Variants in CEP290 observed in about 807,000 individuals in gnomAD.
CEP290 encodes centrosomal protein of 290 kDa.
Under a neutral mutation model 344.9 loss-of-function variants are expected in CEP290, and 317 were observed. The ratio of observed to expected loss-of-function variants is 0.92; its 90% CI spans 0.84 to 1.01. The LOEUF is 1.01. Ranked by LOEUF, CEP290 falls within the 50% of genes least tolerant of loss-of-function variation. CEP290 has a pLI of 0.00. For synonymous variants in CEP290, 932 were observed against 895.8 expected (o/e 1.04, Z -0.72); for missense variants, 2,754 against 2,761.4 (o/e 1.00, Z 0.06).
chr12:88,086,525 C>T (rs1565840177), intron 32 of CEP290, 27 bp from the exon 33 acceptor site: 1 of 1,513,104 alleles, frequency 6.6e-7, no homozygotes, highest in Non-Finnish European at 9.0e-7. Flanking sequence ...TTGTGTCAGA[C>T]ACATACACGA....
chr12:88,110,961 T>C (rs561651483), intron 22 of CEP290, among the ~76,000 whole-genome samples: 2 of 152,270 alleles, frequency 1.3e-5, no homozygotes, highest in Non-Finnish European at 2.9e-5. Flanking sequence ...ATGGTATAAA[T>C]TGCTTTTATT....
intron 29 of CEP290, 22 bp from the exon 30 acceptor site, chr12:88,090,861 CAG>C: frequency 7.0e-7 from 1 of 1,436,674 alleles, no homozygotes; most frequent in South Asian, 1.3e-5. Flanking sequence ...TAAGGTATTT[CAG>C]GAACAATTAA....
chr12:88,106,270 T>A (rs113917888), intron 25 of CEP290, among the ~76,000 whole-genome samples: 1 of 152,136 alleles, frequency 6.6e-6, no homozygotes, highest in East Asian at 1.9e-4. Flanking sequence ...GTTAGATACA[T>A]CTTCAAACAT....
At chr12:88,137,726 G>A (rs2040422042) in intron 5 of CEP290, among the ~76,000 whole-genome samples, 1 of 152,134 alleles carries the variant, frequency 6.6e-6, no homozygotes, top group African/African-American at 2.4e-5. Flanking sequence ...TAATGCCCTT[G>A]GAACTCTTTC....
intron 28 of CEP290, among the ~76,000 whole-genome samples, chr12:88,093,172 T>C (rs2037174875): frequency 6.6e-6 from 1 of 152,100 alleles, no homozygotes; most frequent in Admixed American, 6.5e-5. Context: ...TAAATCCAAA[T>C]GAGTTAATAA....
intron 29 of CEP290, among the ~76,000 whole-genome samples, chr12:88,091,982 G>A (rs1235241799): frequency 1.3e-5 from 2 of 151,858 alleles, no homozygotes; most frequent in East Asian, 1.9e-4. Context: ...GCGCGATCTC[G>A]GCTCACTGCA....
At chr12:88,122,815 C>A (rs2039490507) in intron 13 of CEP290, among the ~76,000 whole-genome samples, 1 of 152,072 alleles carries the variant, frequency 6.6e-6, no homozygotes, top group South Asian at 2.1e-4. Flanking sequence ...ATATCGTGGG[C>A]TCTTGAAGTT....
chr12:88,075,244 T>G (rs779278314), intron 41 of CEP290, among the ~76,000 whole-genome samples: 6 of 149,666 alleles, frequency 4.0e-5, no homozygotes, highest in Non-Finnish European at 5.9e-5. Flanking sequence ...TTGTTATGGT[T>G]TGAGGGCAAG....
At chr12:88,131,619 T>A (rs2040078406) in intron 6 of CEP290, among the ~76,000 whole-genome samples, 1 of 152,062 alleles carries the variant, frequency 6.6e-6, no homozygotes, top group South Asian at 2.1e-4. Flanking sequence ...AAATTTTAAA[T>A]CCTCTCTAAC....
At chr12:88,140,856 A>G in intron 3 of CEP290, 100 bp downstream of exon 3, 1 of 701,104 alleles carries the variant, frequency 1.4e-6, no homozygotes, top group Non-Finnish European at 2.4e-6. Flanking sequence ...GGTGATGTAG[A>G]TATTACCAGG....
intron 13 of CEP290, among the ~76,000 whole-genome samples, chr12:88,123,544 C>T (rs964425106): frequency 5.9e-5 from 9 of 152,080 alleles, no homozygotes; most frequent in African/African-American, 1.9e-4. Context: ...GCTCTCCATA[C>T]TCCTGCTTTT....
chr12:88,135,457 T>C (rs1240061373), intron 6 of CEP290, among the ~76,000 whole-genome samples: 4 of 152,184 alleles, frequency 2.6e-5, no homozygotes, highest in African/African-American at 9.6e-5. Flanking sequence ...GTGTATATTA[T>C]AAGTTAGATC....
chr12:88,139,927 A>C (rs984270926), intron 3 of CEP290, among the ~76,000 whole-genome samples: 22 of 152,112 alleles, frequency 1.4e-4, no homozygotes, highest in African/African-American at 4.8e-4. Context: ...CATGCTCGGC[A>C]AATTTTTTCG....
Position 88,116,961 on chromosome 12 carries a change from G to A in CEP290, c.1824+72C>T, listed in dbSNP as rs565542317. ...TGCACTCCAGCCTGGGAGACAGAGC[G>A]AGACTCCGTCTCAAAAAAAAAAAAA... On this transcript the variant is annotated intron_variant, in intron 18 of 53. Transcript: ENST00000552810. 1,073 of 752,628 alleles carry A rather than the reference G, an allele frequency of 1.4e-3. 12 individuals are homozygous for A. In the African/African-American group the frequency reaches 0.018, roughly 13 times the overall value. The allele number at this position is 752,628 out of a possible 1,614,324, so 46.6% of individuals were successfully genotyped here. A position where few individuals can be genotyped will look rare whatever the true frequency, so the allele number is the denominator to read the frequency against.
chr12:88,137,780 T>G (rs1451309536), intron 5 of CEP290, among the ~76,000 whole-genome samples: 1 of 152,152 alleles, frequency 6.6e-6, no homozygotes, highest in African/African-American at 2.4e-5. Context: ...TACATGAGGG[T>G]CAGAAGAAGG....
rs1171566979 is a variant in CEP290, at chr12:88,134,453, T to A, written c.441+2190A>T. Among the ~76,000 whole-genome samples, 4 of 152,334 alleles carry A rather than the reference T, an allele frequency of 2.6e-5. No homozygotes were observed. The East Asian group carries it at 7.7e-4, about 29-fold the overall frequency. ...GTAAACTTTTAAAGTATAGATCTGATCATGATATCCTGTGCTCAAAACTCT... is the reference window on the plus strand; with the variant it reads ...GTAAACTTTTAAAGTATAGATCTGAACATGATATCCTGTGCTCAAAACTCT... On this transcript the variant is annotated intron_variant, in intron 6 of 53. Coordinates refer to ENST00000552810, the MANE Select transcript of CEP290 (RefSeq NM_025114.4).
At chr12:88,115,811 A>T (rs2039004824) in intron 18 of CEP290, 1 of 984,400 alleles carries the variant, frequency 1.0e-6, no homozygotes, top group Admixed American at 6.1e-5. Flanking sequence ...GTTCTATAAG[A>T]TTTTCAAGAG....
chr12:88,076,399 A>G (rs1035921305), intron 41 of CEP290, among the ~76,000 whole-genome samples: 40 of 152,138 alleles, frequency 2.6e-4, no homozygotes, highest in Admixed American at 1.4e-3. Flanking sequence ...GATTGAAATT[A>G]TTTTATAGAC....
chr12:88,121,693 A>G (rs1471999907), intron 13 of CEP290, among the ~76,000 whole-genome samples: 9 of 152,064 alleles, frequency 5.9e-5, no homozygotes, highest in Non-Finnish European at 1.2e-4. Flanking sequence ...TGAAATCCAC[A>G]TGGATATGAG....
Sources: gnomAD v4.1 joint callset for allele counts (sites outside exome capture counted in the v4.1 genomes callset) on GRCh38, gnomAD v4.1.1 for gene constraint, MANE v1.5 for transcripts, NCBI Gene and HGNC (gene_info 2026-07-23, HGNC 2026-07-21) for gene names.